Variants in CSMD1 observed in about 807,000 individuals in gnomAD.
CSMD1 encodes CUB and sushi domain-containing protein 1.
In CSMD1, 213 loss-of-function variants were observed where a neutral mutation model predicts 417.5. That is an observed-to-expected ratio of 0.51 (90% CI 0.46 to 0.57). The LOEUF (loss-of-function observed/expected upper bound fraction) is 0.57, where lower values mean the gene tolerates loss of function less well. CSMD1 is among the 20% of genes least tolerant of loss of function. CSMD1 has a pLI of 0.00. For synonymous variants in CSMD1, 2,862 were observed against 1,736.8 expected, an observed-to-expected ratio of 1.65 and a Z score of -16.11; for missense variants, 6,923 against 4,529.7, an observed-to-expected ratio of 1.53 and a Z score of -15.17.
chr8:4,337,701 A>T (rs571832334), intron 3 of CSMD1, among the ~76,000 whole-genome samples: 2 of 152,148 alleles, frequency 1.3e-5, no homozygotes, highest in African/African-American at 4.8e-5. Flanking sequence ...CCAACTTTTA[A>T]AAGAGTACAC....
At chr8:3,579,536 CAT>C (rs924451618) in intron 9 of CSMD1, among the ~76,000 whole-genome samples, 2 of 152,078 alleles carry the variant, frequency 1.3e-5, no homozygotes, top group African/African-American at 4.8e-5. Context: ...GCCTATTTCT[CAT>C]ATGTTTTTAG....
chr8:4,931,832 A>C (rs1464626923), intron 1 of CSMD1, among the ~76,000 whole-genome samples: 1 of 152,212 alleles, frequency 6.6e-6, no homozygotes, highest in Non-Finnish European at 1.5e-5. Context: ...GAGTTTTAAA[A>C]TGCAGTATAT....
At chr8:4,486,470 C>G (rs994335125) in intron 2 of CSMD1, among the ~76,000 whole-genome samples, 4 of 151,076 alleles carry the variant, frequency 2.6e-5, no homozygotes, top group African/African-American at 9.7e-5. Context: ...AATATTTCTT[C>G]CTTTATATTA....
chr8:3,576,058 C>A (rs950485077), intron 9 of CSMD1, among the ~76,000 whole-genome samples: 1 of 152,020 alleles, frequency 6.6e-6, no homozygotes, highest in Non-Finnish European at 1.5e-5. Flanking sequence ...GATTAATCCT[C>A]GTCATAGCCC....
intron 3 of CSMD1, among the ~76,000 whole-genome samples, chr8:4,223,863 C>G (rs1385723016): frequency 3.3e-5 from 5 of 152,088 alleles, no homozygotes; most frequent in Non-Finnish European, 5.9e-5. Flanking sequence ...ATGTAAAGGT[C>G]CCTAAAAGTC....
rs75470026 is a variant in CSMD1 at position 4,912,817 on chromosome 8, G to A, written c.85+81515C>T. On this transcript the variant is annotated intron_variant, in intron 1 of 69. Transcript: ENST00000635120. ...TTTTGGAGGGGGGGCACAGAGTCTT[G>A]CTCTGTCTCCTAGACTAGAGTGCAG... Among the ~76,000 whole-genome samples the A allele has an allele frequency of 3.3e-5, 5 of 151,724 alleles. No individual in the cohort carries two copies. In the East Asian group the frequency reaches 9.7e-4, roughly 30 times the overall value.
intron 18 of CSMD1, among the ~76,000 whole-genome samples, chr8:3,384,782 A>AAT (rs1810883397): frequency 1.6e-5 from 2 of 124,132 alleles, no homozygotes; most frequent in Admixed American, 2.0e-4. Flanking sequence ...TATTTATATA[A>AAT]TATATATTAA....
intron 2 of CSMD1, among the ~76,000 whole-genome samples, chr8:4,511,799 G>A (rs1802835193): frequency 6.6e-6 from 1 of 152,040 alleles, no homozygotes; most frequent in South Asian, 2.1e-4. Context: ...CAATCATCAG[G>A]GGTCTACACA....
chr8:4,574,201 C>T (rs748833417), intron 2 of CSMD1, among the ~76,000 whole-genome samples: 7 of 152,144 alleles, frequency 4.6e-5, no homozygotes, highest in Non-Finnish European at 8.8e-5. Flanking sequence ...AGCTCGGTAT[C>T]TGTCTGAACA....
intron 3 of CSMD1, among the ~76,000 whole-genome samples, chr8:4,220,711 C>T (rs969222152): frequency 1.3e-5 from 2 of 152,164 alleles, no homozygotes; most frequent in African/African-American, 4.8e-5. Context: ...CAGGTGCATG[C>T]ATTGAGCAAT....
At chr8:3,366,959 C>A (rs1809614598) in intron 20 of CSMD1, 73 bp downstream of exon 20, 9 of 1,153,928 alleles carry the variant, frequency 7.8e-6, no homozygotes, top group Non-Finnish European at 1.2e-5. Context: ...CACACACACC[C>A]ACACACATTC....
intron 3 of CSMD1, among the ~76,000 whole-genome samples, chr8:4,409,566 C>T (rs1233383009): frequency 6.6e-6 from 1 of 151,966 alleles, no homozygotes; most frequent in Non-Finnish European, 1.5e-5. Flanking sequence ...TGCCACTCAA[C>T]ACTTCAGCAG....
At chr8:4,034,694 CAT>C (rs1797525511) in intron 3 of CSMD1, among the ~76,000 whole-genome samples, 3 of 152,196 alleles carry the variant, frequency 2.0e-5, no homozygotes, top group Middle Eastern at 3.4e-3. Flanking sequence ...AAAAAGTAAA[CAT>C]GTGGACAAAA....
chr8:4,160,064 G>A (rs1028717416), intron 3 of CSMD1, among the ~76,000 whole-genome samples: 27 of 150,392 alleles, frequency 1.8e-4, no homozygotes, highest in Admixed American at 6.7e-5. Flanking sequence ...AATACCACCT[G>A]TTCTCCAAAA....
chr8:3,343,575 T>G, intron 22 of CSMD1, 125 bp from the exon 23 acceptor site: 1 of 777,602 alleles, frequency 1.3e-6, no homozygotes, highest in Admixed American at 3.2e-5. Context: ...GCATATAGTT[T>G]ACAGAAAGAT....
chr8:4,678,132 C>T (rs1403617785), intron 1 of CSMD1, among the ~76,000 whole-genome samples: 1 of 148,498 alleles, frequency 6.7e-6, no homozygotes, highest in Non-Finnish European at 1.5e-5. Context: ...AAGAATTTTT[C>T]TTTTTTTTTT....
chr8:2,954,978 TACAA>T (rs1802898080), intron 64 of CSMD1, among the ~76,000 whole-genome samples: 1 of 152,204 alleles, frequency 6.6e-6, no homozygotes, highest in Admixed American at 6.5e-5. Context: ...ATTTATAAAT[TACAA>T]ACAGGGGAGA....
At chr8:4,629,459 T>C (rs376344182) in intron 2 of CSMD1, among the ~76,000 whole-genome samples, 2 of 152,208 alleles carry the variant, frequency 1.3e-5, no homozygotes, top group Admixed American at 1.3e-4. Flanking sequence ...TGCTTTTCAA[T>C]TGAAGGATTA....
chr8:3,474,653 G>T (rs912335993), intron 11 of CSMD1, among the ~76,000 whole-genome samples: 1 of 152,086 alleles, frequency 6.6e-6, no homozygotes. Context: ...ATATCAATTA[G>T]CCTAAGGGGA....
Sources: allele counts gnomAD v4.1 joint callset (sites outside exome capture counted in the v4.1 genomes callset), GRCh38; gene constraint gnomAD v4.1.1; transcripts MANE v1.5; gene names NCBI Gene and HGNC (gene_info 2026-07-23, HGNC 2026-07-21).